ERBB4: variants seen among roughly 807,000 people sequenced by gnomAD.
ERBB4 encodes erb-b2 receptor tyrosine kinase 4.
In ERBB4, 42 loss-of-function variants were observed where a neutral mutation model predicts 158.0. That is an observed-to-expected ratio of 0.27 (90% confidence interval 0.21 to 0.34). The LOEUF (loss-of-function observed/expected upper bound fraction) is 0.34. ERBB4 is among the 10% of genes least tolerant of loss of function. ERBB4 has a pLI of 1.00. For synonymous variants in ERBB4, 583 were observed against 558.7 expected (o/e 1.04, Z -0.61); for missense variants, 1,333 against 1,624.1 (o/e 0.82, Z 3.08).
chr2:211,612,200 G>A (rs1298324984), intron 19 of ERBB4, among the ~76,000 whole-genome samples: 1 of 150,960 alleles, frequency 6.6e-6, no homozygotes, highest in Non-Finnish European at 1.5e-5. Context: ...GGTATAGAGA[G>A]GATGTAAAGG....
At chr2:211,459,439 G>T (rs562438672) in intron 20 of ERBB4, among the ~76,000 whole-genome samples, 1 of 152,278 alleles carries the variant, frequency 6.6e-6, no homozygotes, top group South Asian at 2.1e-4. Context: ...TCCCTAGGGA[G>T]GTGATACGGT....
chr2:211,798,523 A>G (rs2076431038), intron 3 of ERBB4, among the ~76,000 whole-genome samples: 1 of 152,140 alleles, frequency 6.6e-6, no homozygotes, highest in African/African-American at 2.4e-5. Flanking sequence ...TTGGGTTACA[A>G]TGAGAAATAC....
At chr2:211,863,272 T>G (rs1034988318) in intron 3 of ERBB4, among the ~76,000 whole-genome samples, 1 of 151,876 alleles carries the variant, frequency 6.6e-6, no homozygotes, top group Non-Finnish European at 1.5e-5. Context: ...ACCAATCAGC[T>G]CTCTGTAAAA....
intron 2 of ERBB4, among the ~76,000 whole-genome samples, chr2:211,996,386 A>T (rs1285490362): frequency 2.6e-5 from 4 of 152,068 alleles, no homozygotes; most frequent in Non-Finnish European, 5.9e-5. Context: ...CAATATTCAA[A>T]ATTTAACAAA....
intron 2 of ERBB4, among the ~76,000 whole-genome samples, chr2:212,114,270 G>C (rs2079508378): frequency 6.6e-6 from 1 of 152,166 alleles, no homozygotes; most frequent in Non-Finnish European, 1.5e-5. Context: ...TTATGATGGA[G>C]ACCTAAAAAA....
chr2:212,148,805 C>T (rs1464187870), intron 1 of ERBB4, among the ~76,000 whole-genome samples: 1 of 144,204 alleles, frequency 6.9e-6, no homozygotes, highest in Non-Finnish European at 1.5e-5. Flanking sequence ...GAAAATGTGG[C>T]ACATATACAC....
At position 211,383,897 on chromosome 2, in the gene ERBB4, G is replaced by A. The variant is rs1270886640; in HGVS notation, c.3645C>T (p.Thr1215=). ...TCTTCAGGTACTCAGCTTTTCCCAAGGTGTTGGCAAAGGTGTTGAGGTACA... is the reference window on the plus strand; with the variant it reads ...TCTTCAGGTACTCAGCTTTTCCCAAAGTGTTGGCAAAGGTGTTGAGGTACA... The part of the protein sequence containing the change: ...EPLYLNTFAN[T]LGKAEYLKNN... Residue 1215 remains threonine (T), a synonymous_variant, in exon 28 of 28, where the codon ACC becomes ACT. Transcript: ENST00000342788. 6.2e-7 allele frequency: 1 copy of A among 1,614,042 alleles called. No individual in the cohort carries two copies. Among genetic ancestry groups the A allele is most frequent in the Non-Finnish European group, 8.5e-7 (1 of 1,180,000 alleles).
intron 8 of ERBB4, among the ~76,000 whole-genome samples, chr2:211,712,510 T>G (rs1398940033): frequency 6.6e-6 from 1 of 152,146 alleles, no homozygotes; most frequent in East Asian, 1.9e-4. Context: ...TAAAATTATC[T>G]ATTTTCTACT....
At chr2:212,153,648 A>T (rs1042021520) in intron 1 of ERBB4, among the ~76,000 whole-genome samples, 19 of 152,170 alleles carry the variant, frequency 1.2e-4, no homozygotes, top group African/African-American at 4.3e-4. Flanking sequence ...TGTCATTGAA[A>T]GTGATGGCAA....
chr2:211,420,486 G>C lies in ERBB4; in HGVS notation c.3090C>G (p.Ile1030Met), dbSNP rs1189361466. ...CTCTGGAAGTATAGATGGGAGGTGG[G>C]ATGTTGAAAGCCTGAGGGACCAAGT... ...EEYLVPQAFN[I>M]PPPIYTSRAR... is the part of the protein sequence containing the mutation. Residue 1030 changes from isoleucine (I) to methionine (M), a missense_variant, in exon 25 of 28, where the codon ATC becomes ATG. Coordinates refer to ENST00000342788, the MANE Select transcript of ERBB4 (RefSeq NM_005235.3). 2 of 1,612,284 alleles carry C rather than the reference G, an allele frequency of 1.2e-6. No homozygotes were observed. The highest frequency in any genetic ancestry group is 1.7e-6 in the Non-Finnish European group (2 of 1,178,830).
chr2:211,733,773 A>G (rs1313938839), intron 5 of ERBB4, among the ~76,000 whole-genome samples: 1 of 151,486 alleles, frequency 6.6e-6, no homozygotes, highest in African/African-American at 2.4e-5. Context: ...CTCTCACTCA[A>G]TTTTGCAATA....
intron 9 of ERBB4, among the ~76,000 whole-genome samples, chr2:211,707,901 A>C (rs2073509953): frequency 6.6e-6 from 1 of 152,196 alleles, no homozygotes; most frequent in African/African-American, 2.4e-5. Flanking sequence ...CAACCTCATT[A>C]AATTATTATT....
intron 20 of ERBB4, among the ~76,000 whole-genome samples, chr2:211,511,961 G>A (rs2065895238): frequency 6.6e-6 from 1 of 152,008 alleles, no homozygotes. Context: ...AATAAATCAT[G>A]GAGACATTGT....
chr2:211,441,042 G>A (rs974705906), intron 20 of ERBB4, among the ~76,000 whole-genome samples: 2 of 152,130 alleles, frequency 1.3e-5, no homozygotes, highest in African/African-American at 4.8e-5. Flanking sequence ...TCTGCCCCAT[G>A]CCCTCCTTCC....
intron 1 of ERBB4, among the ~76,000 whole-genome samples, chr2:212,250,832 T>C (rs1314024168): frequency 1.3e-5 from 2 of 151,870 alleles, no homozygotes; most frequent in African/African-American, 2.4e-5. Flanking sequence ...GGGTAAAAAG[T>C]AAAAGAGGAA....
chr2:212,263,199 A>G (rs2106093091), intron 1 of ERBB4, among the ~76,000 whole-genome samples: 1 of 152,220 alleles, frequency 6.6e-6, no homozygotes, highest in South Asian at 2.1e-4. Flanking sequence ...GAAACGTGTG[A>G]CAGGTTCTGC....
At chr2:211,755,783 T>C (rs976548360) in intron 4 of ERBB4, among the ~76,000 whole-genome samples, 1 of 152,128 alleles carries the variant, frequency 6.6e-6, no homozygotes, top group African/African-American at 2.4e-5. Flanking sequence ...TGTGACCACC[T>C]GCATGTGGGA....
intron 12 of ERBB4, among the ~76,000 whole-genome samples, chr2:211,689,578 G>T (rs929054834): frequency 6.6e-6 from 1 of 152,098 alleles, no homozygotes; most frequent in Non-Finnish European, 1.5e-5. Context: ...AATTTATAAA[G>T]ATGTAAAGAG....
rs371446013 is a variant in ERBB4 at position 211,461,697 on chromosome 2, G to A, written c.2488-30597C>T. On this transcript the variant is annotated intron_variant, in intron 20 of 27. Transcript: ENST00000342788. ...AGAAGGAGAGAGAGATACACACTAC[G>A]AAATGTAGGCCGGCATGCTGAACCA... Among the ~76,000 whole-genome samples the A allele has an allele frequency of 9.3e-4, 141 of 152,184 alleles. 1 individual carries two copies. The highest frequency in any genetic ancestry group is 3.1e-3 in the African/African-American group (129 of 41,548).
Sources: gnomAD v4.1 joint callset for allele counts (sites outside exome capture counted in the v4.1 genomes callset) on GRCh38, gnomAD v4.1.1 for gene constraint, MANE v1.5 for transcripts, NCBI Gene and HGNC (gene_info 2026-07-23, HGNC 2026-07-21) for gene names.